Variants in GCC2 observed in about 807,000 individuals in gnomAD.
The protein encoded by GCC2 is GRIP and coiled-coil domain-containing protein 2.
In GCC2, 120 loss-of-function variants were observed where a neutral mutation model predicts 210.6. The observed-to-expected ratio is 0.57, with a 90% CI of 0.49 to 0.66. GCC2 has a LOEUF of 0.66. GCC2 is among the 30% of genes least tolerant of loss of function. GCC2 has a pLI of 0.00. For synonymous variants in GCC2, 703 were observed against 652.7 expected (o/e 1.08, Z -1.17); for missense variants, 1,868 against 1,871.9 (o/e 1.00, Z 0.04).
intron 6 of GCC2, 60 bp from the exon 7 acceptor site, chr2:108,472,767 A>G (rs1200760739): frequency 1.0e-6 from 1 of 997,090 alleles, no homozygotes; most frequent in African/African-American, 1.6e-5. Flanking sequence ...ATTATGGAAA[A>G]TGAATTCTGA....
intron 4 of GCC2, among the ~76,000 whole-genome samples, chr2:108,454,021 C>A (rs185829308): frequency 6.6e-6 from 1 of 152,062 alleles, no homozygotes; most frequent in East Asian, 1.9e-4. Flanking sequence ...GACAGAGTCT[C>A]GCCTTGTCGC....
At chr2:108,462,786 C>T (rs1446841514) in intron 4 of GCC2, 1 of 151,854 alleles carries the variant, frequency 6.6e-6, no homozygotes, top group Non-Finnish European at 1.5e-5. Flanking sequence ...TGGTCTTGAA[C>T]TCATGACCTC....
At chr2:108,486,040 A>G (rs1193302167) in intron 15 of GCC2, 132 bp downstream of exon 15, 6 of 567,724 alleles carry the variant, frequency 1.1e-5, no homozygotes, top group South Asian at 5.2e-5. Flanking sequence ...AGTTACAACA[A>G]TAAATCAAGT....
rs776363038 is a variant in GCC2 at position 108,475,786 on chromosome 2, G to T, written c.2996G>T (p.Arg999Leu). Residue 999 changes from arginine (R) to leucine (L), a missense_variant, in exon 9 of 23, where the codon CGA (arginine) becomes CTA (leucine). Around this residue, in one of 3 missense-constraint regions of GCC2, gnomAD observed 1,847 missense variants for 1,765.2 expected, o/e 1.05. Transcript: ENST00000309863. ...QTVKEELESL[R>L]SEKDQLSASM... ...GTGAAGGAAGAACTTGAATCTCTTCGATCAGAAAAGGACCAGTTATCTGCT... is the reference window on the plus strand; with the variant it reads ...GTGAAGGAAGAACTTGAATCTCTTCTATCAGAAAAGGACCAGTTATCTGCT... 1 of 1,606,426 alleles carries T rather than the reference G, an allele frequency of 6.2e-7. No homozygotes were observed. The highest frequency in any genetic ancestry group is 1.1e-5 in the South Asian group (1 of 89,490).
chr2:108,472,167 T>C (rs1681268022), intron 6 of GCC2, 51 bp downstream of exon 6: 1 of 1,243,070 alleles, frequency 8.0e-7, no homozygotes, highest in African/African-American at 1.5e-5. Flanking sequence ...AGTTCAACTC[T>C]ACAATATATA....
intron 9 of GCC2, 21 bp from the exon 10 acceptor site, chr2:108,481,676 T>A: frequency 5.7e-6 from 9 of 1,569,724 alleles, no homozygotes; most frequent in Non-Finnish European, 7.8e-6. Context: ...ATACCAAAGT[T>A]AAATCCTTCT....
chr2:108,475,324 G>T, intron 7 of GCC2: 1 of 335,636 alleles, frequency 3.0e-6, no homozygotes, highest in Non-Finnish European at 5.3e-6. Flanking sequence ...GACTATTTTG[G>T]AGGATTAAAG....
intron 10 of GCC2, 31 bp downstream of exon 10, chr2:108,481,847 C>G (rs755991935): frequency 2.8e-6 from 4 of 1,454,254 alleles, no homozygotes; most frequent in Non-Finnish European, 3.7e-6. Flanking sequence ...AAAATGAAAA[C>G]TATAACAGGT....
At chr2:108,485,099 C>T (rs1682063106) in intron 13 of GCC2, among the ~76,000 whole-genome samples, 1 of 151,034 alleles carries the variant, frequency 6.6e-6, no homozygotes, top group African/African-American at 2.4e-5. Context: ...CATATTCTCA[C>T]TCATAGGTGG....
chr2:108,475,806 T>C lies in GCC2; in HGVS notation c.3016T>C (p.Ser1006Pro), dbSNP rs373531562. The change falls in exon 9 of 23, where the codon TCT (serine) becomes CCT (proline). Residue 1006 changes from serine to proline, a missense_variant. Transcript: ENST00000309863. ...ESLRSEKDQL[S>P]ASMRDLIQGA... The stretch of plus-strand genomic sequence containing the variant: ...TCTTCGATCAGAAAAGGACCAGTTA[T>C]CTGCTTCCATGAGAGATCTCATTCA... 23 of 1,604,788 alleles carry C rather than the reference T, an allele frequency of 1.4e-5. No homozygotes were observed. The highest frequency in any genetic ancestry group is 1.1e-5 in the South Asian group (1 of 89,360).
chr2:108,471,223 G>A lies in GCC2; in HGVS notation c.1894G>A (p.Glu632Lys). 1 of 1,606,354 alleles carries A rather than the reference G, an allele frequency of 6.2e-7. No individual in the cohort carries two copies. Among genetic ancestry groups the A allele is most frequent in the Non-Finnish European group, 8.5e-7 (1 of 1,177,822 alleles). ...RLILELGKKV[E>K]QTIQYNSELE... ...GATTCTTGAACTTGGGAAGAAAGTA[G>A]AGCAAACAATCCAGTACAACAGTGA... Residue 632 changes from glutamate to lysine, a missense_variant, in exon 6 of 23, where the codon GAG becomes AAG. By Grantham distance (56) the Glu-to-Lys change is moderately conservative. Around this residue, in one of 3 missense-constraint regions of GCC2, gnomAD observed 1,847 missense variants for 1,765.2 expected, o/e 1.05. Coordinates refer to ENST00000309863, the MANE Select transcript of GCC2 (RefSeq NM_181453.4).
intron 20 of GCC2, chr2:108,496,285 C>T (rs1217547120): frequency 6.6e-6 from 1 of 152,196 alleles, no homozygotes; most frequent in African/African-American, 2.4e-5. Context: ...TATTTTATTA[C>T]CTGTAATTAA....
In GCC2 at chr2:108,470,890, C is replaced by T; in HGVS notation, c.1561C>T (p.Gln521Ter). ...QQASDVHELQ[Q>*]KLRTAFTEKD... is the part of the protein sequence containing the mutation. ...AGCATCTGATGTTCATGAACTGCAG[C>T]AGAAGCTCAGAACTGCTTTTACTGA... The change falls in exon 6 of 23, where the codon CAG becomes TAG. Residue 521 changes from glutamine to a stop codon, truncating the protein, a stop_gained. Transcript: ENST00000309863. LOFTEE classifies it high-confidence loss of function. 6.2e-7 allele frequency: 1 copy of T among 1,613,564 alleles called. No homozygotes were observed. Among genetic ancestry groups the T allele is most frequent in the Non-Finnish European group, 8.5e-7 (1 of 1,179,742 alleles).
chr2:108,463,273 A>G (rs2104431068), intron 4 of GCC2, among the ~76,000 whole-genome samples: 1 of 152,062 alleles, frequency 6.6e-6, no homozygotes, highest in East Asian at 1.9e-4. Context: ...ATGCTTTTTA[A>G]TGTTTTCTAT....
At chr2:108,507,406 C>CT in intron 22 of GCC2, 154 bp from the exon 23 acceptor site, 2 of 90,652 alleles carry the variant, frequency 2.2e-5, no homozygotes, top group South Asian at 1.8e-4. Flanking sequence ...AAAAAAAGAA[C>CT]CCCCCCCCCC....
At chr2:108,494,254 G>A (rs1022534150) in intron 19 of GCC2, 1 of 154,256 alleles carries the variant, frequency 6.5e-6, no homozygotes, top group African/African-American at 2.4e-5. Flanking sequence ...GCACCTGGAA[G>A]TCCCAGCTAC....
chr2:108,498,893 A>G (rs1235548412), intron 21 of GCC2, among the ~76,000 whole-genome samples: 5 of 151,430 alleles, frequency 3.3e-5, no homozygotes, highest in Admixed American at 6.6e-5. Context: ...TCAGAGCCCC[A>G]TGCCATACTG....
intron 18 of GCC2, 130 bp downstream of exon 18, chr2:108,490,144 A>G: frequency 3.0e-6 from 2 of 671,748 alleles, no homozygotes; most frequent in Non-Finnish European, 4.5e-6. Flanking sequence ...AAGGCTTGGA[A>G]ACTTTGCTTT....
intron 17 of GCC2, among the ~76,000 whole-genome samples, chr2:108,488,107 A>G (rs1228771949): frequency 2.6e-5 from 4 of 151,916 alleles, no homozygotes; most frequent in South Asian, 2.1e-4. Context: ...GGGTTTCACC[A>G]TGTTGGCCAG....
Sources: gnomAD v4.1 joint callset for allele counts (sites outside exome capture counted in the v4.1 genomes callset) on GRCh38, gnomAD v4.1.1 for gene constraint, gnomAD v4.1.1 regional missense constraint, MANE v1.5 for transcripts, NCBI Gene and HGNC (gene_info 2026-07-23, HGNC 2026-07-21) for gene names.